Variants in CAMKK1 observed in about 807,000 individuals in gnomAD.
The protein encoded by CAMKK1 is calcium/calmodulin dependent protein kinase kinase 1.
A neutral mutation model predicts 63.5 loss-of-function variants in CAMKK1; 20 were observed. The ratio of observed to expected loss-of-function variants is 0.32; its 90% confidence interval spans 0.22 to 0.46. The LOEUF (loss-of-function observed/expected upper bound fraction) is 0.46. Among genes scored for constraint, CAMKK1 ranks in the 20% least tolerant of loss-of-function variants. The pLI, the probability that CAMKK1 is intolerant of heterozygous loss-of-function variation, is 1.00. For missense variants in CAMKK1, 588 were observed against 658.1 expected, an observed-to-expected ratio of 0.89 and a Z score of 1.17; for synonymous variants, 253 against 269.0, an observed-to-expected ratio of 0.94 and a Z score of 0.58.
Position 3,885,425 on chromosome 17 carries a change from G to T in CAMKK1, c.263C>A (p.Ala88Asp). The change falls in exon 2 of 16, where the codon GCT becomes GAT. Residue 88 changes from alanine (A) to aspartate (D), a missense_variant. Transcript: ENST00000348335. The stretch of plus-strand genomic sequence containing the variant: ...GGCAGGCCCCGTGGCATAAGGCCCA[G>T]CCTGCGCCTCCAGATAGCTTCCTGC... The part of the protein sequence containing the change: ...RPAGSYLEAQ[A>D]GPYATGPASH... 6.2e-7 allele frequency: 1 copy of T among 1,612,602 alleles called. No homozygotes were observed.
chr17:3,877,649 G>T (rs1229153126), intron 9 of CAMKK1, among the ~76,000 whole-genome samples: 1 of 152,108 alleles, frequency 6.6e-6, no homozygotes, highest in African/African-American at 2.4e-5. Flanking sequence ...GGCGGGTGCC[G>T]TATAACAATA....
intron 7 of CAMKK1, 104 bp from the exon 8 acceptor site, chr17:3,881,752 C>T: frequency 1.9e-6 from 2 of 1,047,390 alleles, no homozygotes; most frequent in Non-Finnish European, 2.9e-6. Context: ...GGCATGCAGG[C>T]ATACTCGAGG....
At position 3,867,785 on chromosome 17, in the gene CAMKK1, TG is replaced by T. The variant is rs66979749; in HGVS notation, c.1341+1701del. Among the ~76,000 whole-genome samples, 513 of 152,264 alleles carry T rather than the reference TG, an allele frequency of 3.4e-3. 1 individual carries two copies. The highest frequency in any genetic ancestry group is 6.8e-3 in the Middle Eastern group (2 of 294). On this transcript the variant is annotated intron_variant, in intron 14 of 15. Coordinates refer to ENST00000348335, the MANE Select transcript of CAMKK1 (RefSeq NM_032294.3). ...CTGGCTCTCCTCCTGGCCTTGTGCTTGCCCTGACTCACTTGACTGTCAGGCA... is the reference window on the plus strand; with the variant it reads ...CTGGCTCTCCTCCTGGCCTTGTGCTTCCCTGACTCACTTGACTGTCAGGCA...
rs962650773 is a variant in CAMKK1, at chr17:3,890,581, G to A, written c.-44+2358C>T. 2 of 768,618 alleles carry A rather than the reference G, an allele frequency of 2.6e-6. No individual in the cohort carries two copies. The highest frequency in any genetic ancestry group is 4.9e-6 in the Non-Finnish European group (2 of 410,650). 47.6% of individuals were successfully genotyped at this position (768,618 alleles called of 1,614,324 possible). On this transcript the variant is annotated intron_variant, in intron 1 of 15. Coordinates refer to ENST00000348335, the MANE Select transcript of CAMKK1 (RefSeq NM_032294.3). This position sits in a 1 kb window ranked among gnomAD's most constrained non-coding sequence, Gnocchi z 6.5. ...CCTCCTCTGTCTCCATTGCGAGACG[G>A]GTACCACACCCTCCCCATTCTTTCC...
Position 3,861,942 on chromosome 17 carries a change from G to T in CAMKK1, c.*269C>A. 2.1e-6 allele frequency: 1 copy of T among 472,840 alleles called. No homozygotes were observed. 29.3% of individuals were successfully genotyped at this position (472,840 alleles called of 1,614,324 possible). On this transcript the variant is annotated 3_prime_UTR_variant, in exon 16 of 16. Transcript: ENST00000348335. Reference sequence around the variant, plus strand: ...ATTTCTGAGGCTCCATGGGCACCCGGTTTCCCCACAGAATGGGTCAGGCCA... The same window carrying T: ...ATTTCTGAGGCTCCATGGGCACCCGTTTTCCCCACAGAATGGGTCAGGCCA...
Position 3,885,387 on chromosome 17 carries a change from G to A in CAMKK1, c.301C>T (p.Pro101Ser), listed in dbSNP as rs1252646813. Residue 101 changes from proline to serine, a missense_variant, in exon 2 of 16, where the codon CCC becomes TCC. Coordinates refer to ENST00000348335, the MANE Select transcript of CAMKK1 (RefSeq NM_032294.3). ...ATGGTGGGCCTCCGCCAGGCCCGGG[G>A]GGAGATGTGGCTGGCAGGCCCCGTG... is the stretch of plus-strand genomic sequence containing the variant. ...YATGPASHIS[P>S]RAWRRPTIES... The A allele has an allele frequency of 1.6e-5, 26 of 1,611,332 alleles. No homozygotes were observed. The highest frequency in any genetic ancestry group is 1.7e-5 in the Admixed American group (1 of 59,908).
chr17:3,883,365 A>T lies in CAMKK1; in HGVS notation c.514+64T>A, dbSNP rs1158456320. 1.3e-5 allele frequency: 20 copies of T among 1,538,398 alleles called. No individual in the cohort carries two copies. Among genetic ancestry groups the T allele is most frequent in the Admixed American group, 1.7e-5 (1 of 59,842 alleles). ...CATTCCTAGCCAAAACTAGCTCAGG[A>T]TCGAGGTCTCCTCCTCTGCCTCCAG... On this transcript the variant is annotated intron_variant, in intron 5 of 15. Coordinates refer to ENST00000348335, the MANE Select transcript of CAMKK1 (RefSeq NM_032294.3). The surrounding 1 kb of genome is among the most constrained non-coding windows in gnomAD (Gnocchi z 4.7).
At position 3,891,117 on chromosome 17, in the gene CAMKK1, G is replaced by T. The variant is rs201004058; in HGVS notation, c.-44+1822C>A. On this transcript the variant is annotated intron_variant, in intron 1 of 15. Coordinates refer to ENST00000348335, the MANE Select transcript of CAMKK1 (RefSeq NM_032294.3). ...CAGACTGGGGGCAAGGTTGGGGGGG[G>T]GGTCACAGGCTAGGGAGCAGCCAGG... Among the ~76,000 whole-genome samples the T allele has an allele frequency of 1.4e-3, 212 of 151,898 alleles. 1 individual carries two copies. Among genetic ancestry groups the T allele is most frequent in the East Asian group, 5.2e-3 (27 of 5,162 alleles).
At position 3,872,761 on chromosome 17, in the gene CAMKK1, C is replaced by T. The variant is rs2054948795; in HGVS notation, c.1051-134G>A. 2 of 682,244 alleles carry T rather than the reference C, an allele frequency of 2.9e-6. 1 individual carries two copies. Among genetic ancestry groups the T allele is most frequent in the Admixed American group, 4.8e-5 (2 of 41,934 alleles). 42.3% of individuals were successfully genotyped at this position (682,244 alleles called of 1,614,324 possible). The stretch of plus-strand genomic sequence containing the variant: ...TCCCATTACATGAGAAGGACCTCAA[C>T]TCACACTGTAAATGTTCAACAAATG... On this transcript the variant is annotated intron_variant, in intron 11 of 15. Coordinates refer to ENST00000348335, the MANE Select transcript of CAMKK1 (RefSeq NM_032294.3).
At chr17:3,878,814 AT>A (rs2055281306) in intron 9 of CAMKK1, 1 of 34,296 alleles carries the variant, frequency 2.9e-5, no homozygotes, top group African/African-American at 2.1e-4. Context: ...GTATGCATTT[AT>A]TTATTTATTT....
chr17:3,884,035 C>T lies in CAMKK1; in HGVS notation c.409-98G>A. 1 of 1,189,326 alleles carries T rather than the reference C, an allele frequency of 8.4e-7. No individual in the cohort carries two copies. Among genetic ancestry groups the T allele is most frequent in the South Asian group, 1.2e-5 (1 of 80,740 alleles). The allele number at this position is 1,189,326 out of a possible 1,614,324, so 73.7% of individuals were successfully genotyped here. A position where few individuals can be genotyped will look rare whatever the true frequency, so the allele number is the denominator to read the frequency against. ...CCGAGCAGCTCTGGTCTCTCCTGCA[C>T]CCCATCTGCACTACCCACCACCAGC... On this transcript the variant is annotated intron_variant, in intron 3 of 15. Coordinates refer to ENST00000348335, the MANE Select transcript of CAMKK1 (RefSeq NM_032294.3). This position sits in a 1 kb window ranked among gnomAD's most constrained non-coding sequence, Gnocchi z 4.5.
At position 3,869,493 on chromosome 17, in the gene CAMKK1, G is replaced by C. The variant is rs575617587; in HGVS notation, c.1335C>G (p.Thr445=). ...TCTACCCCGGCTCTCTTACCACCGTGGTCCAGCTGGGGATGAGCCTGACTG... is the reference window on the plus strand; with the variant it reads ...TCTACCCCGGCTCTCTTACCACCGTCGTCCAGCTGGGGATGAGCCTGACTG... ...KNSVRLIPSW[T]TVILVKSMLR... The change falls in exon 14 of 16, where the codon ACC becomes ACG. Residue 445 remains threonine (T), a synonymous_variant. Coordinates refer to ENST00000348335, the MANE Select transcript of CAMKK1 (RefSeq NM_032294.3). The C allele has an allele frequency of 6.2e-6, 10 of 1,614,076 alleles. No homozygotes were observed. The highest frequency in any genetic ancestry group is 8.5e-6 in the Non-Finnish European group (10 of 1,180,032).
At chr17:3,874,893 G>A (rs1251084436) in intron 10 of CAMKK1, among the ~76,000 whole-genome samples, 5 of 151,604 alleles carry the variant, frequency 3.3e-5, no homozygotes, top group East Asian at 2.0e-4. Flanking sequence ...AGGCCGAGGC[G>A]GGCGGATCAC....
rs2055614467 is a variant in CAMKK1 at position 3,885,586 on chromosome 17, G to C, written c.102C>G (p.Gly34=). The change falls in exon 2 of 16, where the codon GGC becomes GGG. Residue 34 remains glycine (G), a synonymous_variant. Transcript: ENST00000348335. ...CCACACCGTTTCTAGTAGGCTCTGGGCCACCATCTGCCTCCTCCAAGTGAG... is the reference window on the plus strand; with the variant it reads ...CCACACCGTTTCTAGTAGGCTCTGGCCCACCATCTGCCTCCTCCAAGTGAG... ...DVTHLEEADG[G]PEPTRNGVDP... is the part of the protein sequence containing the mutation. 5 of 1,614,080 alleles carry C rather than the reference G, an allele frequency of 3.1e-6. No homozygotes were observed. Among genetic ancestry groups the C allele is most frequent in the Middle Eastern group, 1.7e-4 (1 of 6,060 alleles).
chr17:3,872,468 G>GGGTCCTCA, intron 12 of CAMKK1, 86 bp downstream of exon 12: 2 of 1,090,102 alleles, frequency 1.8e-6, no homozygotes, highest in Non-Finnish European at 2.8e-6. Context: ...GGCTGGGGTG[G>GGGTCCTCA]GGTCCTCAGA....
chr17:3,865,934 G>A lies in CAMKK1; in HGVS notation c.1419C>T (p.Ser473=), dbSNP rs1287360248. ...FEPQARREER[S]MSAPGNLLVK... Reference sequence around the variant, plus strand: ...CCAGTAGGTTTCCTGGAGCAGACATGGATCGCTCTTCCCTCCGTGCTTGGG... The same window carrying A: ...CCAGTAGGTTTCCTGGAGCAGACATAGATCGCTCTTCCCTCCGTGCTTGGG... The change falls in exon 15 of 16, where the codon TCC becomes TCT. Residue 473 remains serine, a synonymous_variant. Transcript: ENST00000348335. The A allele has an allele frequency of 1.2e-6, 2 of 1,614,168 alleles. No homozygotes were observed. Among genetic ancestry groups the A allele is most frequent in the Non-Finnish European group, 1.7e-6 (2 of 1,180,012 alleles).
intron 8 of CAMKK1, among the ~76,000 whole-genome samples, chr17:3,881,056 C>A (rs2055389945): frequency 6.6e-6 from 1 of 152,156 alleles, no homozygotes; most frequent in Non-Finnish European, 1.5e-5. Flanking sequence ...CAGTGAGGGT[C>A]CCGGACCACC....
At chr17:3,886,359 T>C (rs2055651783) in intron 1 of CAMKK1, among the ~76,000 whole-genome samples, 1 of 152,064 alleles carries the variant, frequency 6.6e-6, no homozygotes, top group South Asian at 2.1e-4. Context: ...GGGCCCCACA[T>C]GGTGGCTCAC....
intron 14 of CAMKK1, among the ~76,000 whole-genome samples, chr17:3,868,875 G>C (rs148093157): frequency 6.6e-6 from 1 of 151,636 alleles, no homozygotes; most frequent in Non-Finnish European, 1.5e-5. Context: ...GGATGGTCTC[G>C]ATCTCCTGAC....
Sources: gnomAD v4.1 joint callset for allele counts (sites outside exome capture counted in the v4.1 genomes callset) on GRCh38, gnomAD v4.1.1 for gene constraint, Gnocchi (gnomAD v3.1) non-coding constraint, MANE v1.5 for transcripts, NCBI Gene and HGNC (gene_info 2026-07-23, HGNC 2026-07-21) for gene names.